The following LRRTM4 variants were observed in gnomAD, a reference collection of about 807,000 sequenced individuals.
LRRTM4 encodes leucine-rich repeat transmembrane neuronal protein 4.
LRRTM4 carries 25 observed loss-of-function variants against 47.6 expected under a neutral mutation model. The observed-to-expected ratio is 0.53, with a 90% CI of 0.38 to 0.73. The LOEUF (loss-of-function observed/expected upper bound fraction) is 0.73. Ranked by LOEUF, LRRTM4 falls within the 30% of genes least tolerant of loss-of-function variation. The pLI is 0.00. For missense variants in LRRTM4, 638 were observed against 713.4 expected (o/e 0.89, Z 1.20); for synonymous variants, 311 against 269.5 (o/e 1.15, Z -1.51).
At chr2:76,845,260 G>T (rs949136527) in intron 3 of LRRTM4, among the ~76,000 whole-genome samples, 1 of 152,152 alleles carries the variant, frequency 6.6e-6, no homozygotes, top group African/African-American at 2.4e-5. Context: ...GGAGGCTGAG[G>T]TAGGAGGATC....
chr2:77,045,773 T>C (rs1159688534), intron 3 of LRRTM4, among the ~76,000 whole-genome samples: 1 of 151,886 alleles, frequency 6.6e-6, no homozygotes, highest in African/African-American at 2.4e-5. Context: ...CTTTTGTAAA[T>C]TGCTCAGTCT....
intron 3 of LRRTM4, among the ~76,000 whole-genome samples, chr2:77,139,191 A>G (rs886126938): frequency 6.6e-6 from 1 of 152,212 alleles, no homozygotes; most frequent in African/African-American, 2.4e-5. Flanking sequence ...TTTTAGACCA[A>G]TATCCCTGAT....
intron 3 of LRRTM4, among the ~76,000 whole-genome samples, chr2:76,774,188 T>C (rs940020313): frequency 6.6e-6 from 1 of 152,058 alleles, no homozygotes; most frequent in South Asian, 2.1e-4. Context: ...CTTTTTTTTT[T>C]TTTATTTTTA....
intron 3 of LRRTM4, among the ~76,000 whole-genome samples, chr2:77,172,750 C>T (rs925543716): frequency 5.3e-5 from 8 of 152,166 alleles, no homozygotes; most frequent in African/African-American, 1.7e-4. Context: ...ATGATCTCTG[C>T]GTGACAAATA....
chr2:77,152,927 A>AT (rs1456167693), intron 3 of LRRTM4, among the ~76,000 whole-genome samples: 1 of 152,264 alleles, frequency 6.6e-6, no homozygotes, highest in Non-Finnish European at 1.5e-5. Flanking sequence ...AATTCTTAAG[A>AT]TTTTTTGCAG....
intron 3 of LRRTM4, among the ~76,000 whole-genome samples, chr2:77,264,650 T>A (rs1676004441): frequency 1.3e-5 from 2 of 152,168 alleles, no homozygotes; most frequent in African/African-American, 2.4e-5. Flanking sequence ...TTTATTTTAT[T>A]GAGATTATTT....
intron 3 of LRRTM4, among the ~76,000 whole-genome samples, chr2:77,506,307 A>T (rs1678769930): frequency 1.3e-5 from 2 of 151,728 alleles, no homozygotes; most frequent in Non-Finnish European, 1.5e-5. Flanking sequence ...AAGTAAATGT[A>T]AAAATAAACC....
At chr2:77,016,120 G>T (rs937766665) in intron 3 of LRRTM4, among the ~76,000 whole-genome samples, 2 of 151,994 alleles carry the variant, frequency 1.3e-5, no homozygotes, top group Non-Finnish European at 2.9e-5. Flanking sequence ...GGGAGCAGTG[G>T]CTCATGCCTA....
chr2:76,892,839 T>C (rs1417341512), intron 3 of LRRTM4, among the ~76,000 whole-genome samples: 1 of 151,636 alleles, frequency 6.6e-6, no homozygotes, highest in Non-Finnish European at 1.5e-5. Context: ...CAAGGACTAG[T>C]GCTCCTCAAA....
chr2:77,382,592 T>G (rs1202395542), intron 3 of LRRTM4, among the ~76,000 whole-genome samples: 1 of 152,094 alleles, frequency 6.6e-6, no homozygotes, highest in African/African-American at 2.4e-5. Context: ...TTACTCTGCT[T>G]TTATTTTCCT....
intron 3 of LRRTM4, among the ~76,000 whole-genome samples, chr2:77,488,051 C>T (rs1457017325): frequency 2.6e-5 from 4 of 152,170 alleles, no homozygotes; most frequent in Non-Finnish European, 5.9e-5. Flanking sequence ...GGGGCTGAAA[C>T]AGACCCCTAG....
At chr2:77,310,892 G>GGT (rs1253760214) in intron 3 of LRRTM4, among the ~76,000 whole-genome samples, 1 of 151,342 alleles carries the variant, frequency 6.6e-6, no homozygotes, top group Non-Finnish European at 1.5e-5. Flanking sequence ...TTGTGAGTGT[G>GGT]GTGTGTGTGT....
intron 3 of LRRTM4, among the ~76,000 whole-genome samples, chr2:77,461,138 TGAGAGAGA>T (rs72075725): frequency 1.0e-4 from 15 of 145,358 alleles, no homozygotes; most frequent in South Asian, 8.9e-4. Flanking sequence ...ACATACACAG[TGAGAGAGA>T]GAGAGAGAGA....
chr2:77,226,507 C>T (rs190550932), intron 3 of LRRTM4, among the ~76,000 whole-genome samples: 8 of 148,360 alleles, frequency 5.4e-5, no homozygotes, highest in Non-Finnish European at 7.4e-5. Context: ...TTATTTTCTA[C>T]TGATGTGCTT....
intron 3 of LRRTM4, among the ~76,000 whole-genome samples, chr2:77,249,430 A>C (rs1675541841): frequency 6.6e-6 from 1 of 152,100 alleles, no homozygotes; most frequent in African/African-American, 2.4e-5. Context: ...GAGAAGCCAC[A>C]AACCGTAGGA....
intron 3 of LRRTM4, among the ~76,000 whole-genome samples, chr2:76,872,091 G>A (rs879846315): frequency 6.6e-6 from 1 of 152,126 alleles, no homozygotes; most frequent in Non-Finnish European, 1.5e-5. Flanking sequence ...ATTTTAAGCT[G>A]CTAAATTTGT....
At chr2:76,787,649 TTG>T (rs1333734507) in intron 3 of LRRTM4, among the ~76,000 whole-genome samples, 3 of 152,058 alleles carry the variant, frequency 2.0e-5, no homozygotes, top group African/African-American at 7.2e-5. Flanking sequence ...AGGGAAAACT[TTG>T]TGGTTCAGTG....
intron 3 of LRRTM4, among the ~76,000 whole-genome samples, chr2:76,977,921 A>G (rs1676473718): frequency 6.6e-6 from 1 of 151,992 alleles, no homozygotes; most frequent in African/African-American, 2.4e-5. Flanking sequence ...AAATATGTCT[A>G]AGAAAGAACT....
At chr2:77,046,353 T>C (rs1425657510) in intron 3 of LRRTM4, among the ~76,000 whole-genome samples, 1 of 151,984 alleles carries the variant, frequency 6.6e-6, no homozygotes, top group Non-Finnish European at 1.5e-5. Flanking sequence ...CCAACCAAAG[T>C]GCAAAATGTG....
Sources: allele counts gnomAD v4.1 joint callset (sites outside exome capture counted in the v4.1 genomes callset), GRCh38; gene constraint gnomAD v4.1.1; transcripts MANE v1.5; gene names NCBI Gene and HGNC (gene_info 2026-07-23, HGNC 2026-07-21).